The following PARP11 variants were observed in gnomAD, a reference collection of about 807,000 sequenced individuals.
PARP11 encodes poly(ADP-ribose) polymerase family member 11.
In PARP11, 31 loss-of-function variants were observed where a neutral mutation model predicts 42.9. The ratio of observed to expected loss-of-function variants is 0.72; its 90% CI spans 0.54 to 0.98. The LOEUF (loss-of-function observed/expected upper bound fraction) is 0.98. Ranked by LOEUF, PARP11 falls within the 50% of genes least tolerant of loss-of-function variation. The pLI is 0.00. For synonymous variants in PARP11, 137 were observed against 127.3 expected (o/e 1.08, Z -0.51); for missense variants, 365 against 413.1 (o/e 0.88, Z 1.01).
At chr12:3,824,313 C>T (rs913653384) in intron 4 of PARP11, among the ~76,000 whole-genome samples, 1 of 152,120 alleles carries the variant, frequency 6.6e-6, no homozygotes, top group African/African-American at 2.4e-5. Flanking sequence ...TGGAGAATAT[C>T]CCTTCAACTA....
chr12:3,840,606 ATC>A lies in PARP11; in HGVS notation c.19-10590_19-10589del. On this transcript the variant is annotated intron_variant, in intron 1 of 7. Transcript: ENST00000228820. The surrounding 1 kb of genome is among the most constrained non-coding windows in gnomAD (Gnocchi z 4.4). ...AGGATTCTGATCACACAAGTCGAGA[ATC>A]TAACTATTGCTACTTCTCAGAGTAG... The A allele has an allele frequency of 7.5e-7, 1 of 1,338,502 alleles. No individual in the cohort carries two copies. Among genetic ancestry groups the A allele is most frequent in the South Asian group, 1.2e-5 (1 of 85,470 alleles). The allele number at this position is 1,338,502 out of a possible 1,614,324, so 82.9% of individuals were successfully genotyped here. A position where few individuals can be genotyped will look rare whatever the true frequency, so the allele number is the denominator to read the frequency against.
rs1591762691 is a variant in PARP11 at position 3,821,996 on chromosome 12, G to C, written c.425C>G (p.Pro142Arg). The C allele has an allele frequency of 6.2e-7, 1 of 1,607,044 alleles. No individual in the cohort carries two copies. The highest frequency in any genetic ancestry group is 8.5e-7 in the Non-Finnish European group (1 of 1,177,418). Reference sequence around the variant, plus strand: ...ATATTCATGTGTTTGATTGTGCAGAGGAATAAGCTGGAAAAATAAATTTGC... The same window carrying C: ...ATATTCATGTGTTTGATTGTGCAGACGAATAAGCTGGAAAAATAAATTTGC... The part of the protein sequence containing the change: ...VNTQVPYQLI[P>R]LHNQTHEYNE... The change falls in exon 6 of 8, where the codon CCT (proline) becomes CGT (arginine). Residue 142 changes from proline (P) to arginine (R), a missense_variant. By Grantham distance (103) the Pro-to-Arg change is moderately radical (BLOSUM62 -2). Transcript: ENST00000228820.
intron 2 of PARP11, 89 bp downstream of exon 2, chr12:3,829,801 T>G: frequency 7.9e-7 from 1 of 1,263,892 alleles, no homozygotes; most frequent in Non-Finnish European, 1.1e-6. Context: ...TGACTTCAAG[T>G]TCTATATTTA....
At chr12:3,846,826 T>C (rs890120792) in intron 1 of PARP11, among the ~76,000 whole-genome samples, 1 of 151,234 alleles carries the variant, frequency 6.6e-6, no homozygotes, top group Admixed American at 6.6e-5. Flanking sequence ...GGCTCATGCC[T>C]ATAATCCCAG....
chr12:3,864,465 T>C (rs961630660), intron 1 of PARP11, among the ~76,000 whole-genome samples: 3 of 152,230 alleles, frequency 2.0e-5, no homozygotes, highest in Admixed American at 6.5e-5. Context: ...TCTTCCATTT[T>C]CTAAAACTGT....
chr12:3,850,148 G>C (rs1948070353), intron 1 of PARP11, among the ~76,000 whole-genome samples: 1 of 151,684 alleles, frequency 6.6e-6, no homozygotes, highest in Non-Finnish European at 1.5e-5. Flanking sequence ...TAAATAAGAT[G>C]GTATATGTAA....
rs938254682 is a variant in PARP11 at position 3,873,233 on chromosome 12, G to A, written c.-4C>T. The A allele has an allele frequency of 4.7e-6, 7 of 1,502,130 alleles. No homozygotes were observed. The highest frequency in any genetic ancestry group is 2.7e-5 in the East Asian group (1 of 36,628). 93.1% of individuals were successfully genotyped at this position (1,502,130 alleles called of 1,614,324 possible). Reference sequence around the variant, plus strand: ...TCACTGGATTCGCTTCCCACATAACGGTGACAAAATCGAGCGGAGAGAGCC... The same window carrying A: ...TCACTGGATTCGCTTCCCACATAACAGTGACAAAATCGAGCGGAGAGAGCC... On this transcript the variant is annotated 5_prime_UTR_variant, in exon 1 of 8. Transcript: ENST00000228820.
chr12:3,858,305 A>G (rs776482337), intron 1 of PARP11, among the ~76,000 whole-genome samples: 2 of 152,220 alleles, frequency 1.3e-5, no homozygotes, highest in South Asian at 4.1e-4. Context: ...AGGTGATTTG[A>G]TAACAGTGAT....
intron 6 of PARP11, among the ~76,000 whole-genome samples, chr12:3,816,327 A>AATTC (rs1293275335): frequency 6.6e-6 from 1 of 152,248 alleles, no homozygotes; most frequent in Non-Finnish European, 1.5e-5. Context: ...CACAAGTGTG[A>AATTC]TAAGCAAGCC....
At chr12:3,856,723 T>C (rs1453826947) in intron 1 of PARP11, among the ~76,000 whole-genome samples, 3 of 152,218 alleles carry the variant, frequency 2.0e-5, no homozygotes, top group South Asian at 2.1e-4. Context: ...ACTGTGGTGA[T>C]TCCTCAAGGA....
chr12:3,815,947 C>T (rs377399949), intron 6 of PARP11, among the ~76,000 whole-genome samples: 2 of 152,154 alleles, frequency 1.3e-5, no homozygotes, highest in Non-Finnish European at 2.9e-5. Context: ...GAGATGAAAA[C>T]GCATACGGTC....
intron 1 of PARP11, chr12:3,841,626 C>A (rs1947890162): frequency 2.5e-6 from 4 of 1,613,358 alleles, no homozygotes; most frequent in Non-Finnish European, 3.4e-6. Flanking sequence ...AATCTGAGAC[C>A]CCTGGGCAGC....
At chr12:3,873,081 C>T (rs896507875) in intron 1 of PARP11, 131 bp downstream of exon 1, 20 of 897,682 alleles carry the variant, frequency 2.2e-5, no homozygotes, top group African/African-American at 3.3e-5. Flanking sequence ...CCAAAAGGCC[C>T]GGGAACTCCG....
Position 3,812,380 on chromosome 12 carries a change from G to A in PARP11, c.760C>T (p.His254Tyr). 1 of 1,614,106 alleles carries A rather than the reference G, an allele frequency of 6.2e-7. No homozygotes were observed. The highest frequency in any genetic ancestry group is 8.5e-7 in the Non-Finnish European group (1 of 1,179,980). The part of the protein sequence containing the change: ...SSRFCKDDIK[H>Y]GNTFQIHGVS... ...CCATGAATTTGGAATGTGTTCCCAT[G>A]CTTTATGTCATCTTTGCAGAAACGA... Residue 254 changes from histidine to tyrosine, a missense_variant, in exon 8 of 8, where the codon CAT (histidine) becomes TAT (tyrosine). His to Tyr is a moderately conservative substitution (Grantham distance 83). Coordinates refer to ENST00000228820, the MANE Select transcript of PARP11 (RefSeq NM_020367.6).
rs1318934653 is a variant in PARP11 at position 3,861,140 on chromosome 12, T to G, written c.18+12072A>C. 6.6e-6 allele frequency among the ~76,000 whole-genome samples: 1 copy of G among 152,204 alleles called. No individual in the cohort carries two copies. Among genetic ancestry groups the G allele is most frequent in the Admixed American group, 6.5e-5 (1 of 15,290 alleles). ...TTGATGCTGGTATCAGTTAAGACTC[T>G]GGGGTGATTGGGATAAAATGAATGT... On this transcript the variant is annotated intron_variant, in intron 1 of 7. Coordinates refer to ENST00000228820, the MANE Select transcript of PARP11 (RefSeq NM_020367.6). This position sits in a 1 kb window ranked among gnomAD's most constrained non-coding sequence, Gnocchi z 4.6.
Position 3,840,800 on chromosome 12 carries a change from C to G in PARP11, c.19-10782G>C. 1 of 1,585,166 alleles carries G rather than the reference C, an allele frequency of 6.3e-7. No homozygotes were observed. The highest frequency in any genetic ancestry group is 8.7e-7 in the Non-Finnish European group (1 of 1,153,676). On this transcript the variant is annotated intron_variant, in intron 1 of 7. Coordinates refer to ENST00000228820, the MANE Select transcript of PARP11 (RefSeq NM_020367.6). This position sits in a 1 kb window ranked among gnomAD's most constrained non-coding sequence, Gnocchi z 4.4. ...AATATTACTGATGATAAATATGCAA[C>G]AGTTTCATCACCATCAAAGTCAAAG...
chr12:3,812,081 AAAG>A lies in PARP11; in HGVS notation c.*39_*41del, dbSNP rs1947190598. 2 of 1,457,280 alleles carry A rather than the reference AAAG, an allele frequency of 1.4e-6. No homozygotes were observed. Among genetic ancestry groups the A allele is most frequent in the East Asian group, 2.3e-5 (1 of 43,530 alleles). 90.3% of individuals were successfully genotyped at this position (1,457,280 alleles called of 1,614,324 possible). A position where few individuals can be genotyped will look rare whatever the true frequency, so the allele number is the denominator to read the frequency against. On this transcript the variant is annotated 3_prime_UTR_variant, in exon 8 of 8. Transcript: ENST00000228820. ...ACTGAAGAGCAAACCTTCCTGCAAA[AAAG>A]AATAAAGCTTCCTTGACCACCGAGA...
chr12:3,866,274 C>A (rs1948387832), intron 1 of PARP11, among the ~76,000 whole-genome samples: 1 of 152,102 alleles, frequency 6.6e-6, no homozygotes, highest in Non-Finnish European at 1.5e-5. Flanking sequence ...ATGACACTCT[C>A]CAGATCATCT....
intron 1 of PARP11, among the ~76,000 whole-genome samples, chr12:3,872,276 G>A (rs978729723): frequency 2.0e-5 from 3 of 152,050 alleles, no homozygotes; most frequent in Admixed American, 1.3e-4. Flanking sequence ...TGGGTCCTAC[G>A]CATAAAAATA....
Sources: gnomAD v4.1 joint callset for allele counts (sites outside exome capture counted in the v4.1 genomes callset) on GRCh38, gnomAD v4.1.1 for gene constraint, Gnocchi (gnomAD v3.1) non-coding constraint, MANE v1.5 for transcripts, NCBI Gene and HGNC (gene_info 2026-07-23, HGNC 2026-07-21) for gene names.